CNKSR3: variants seen among roughly 807,000 people sequenced by gnomAD.
CNKSR3 encodes the protein connector enhancer of kinase suppressor of ras 3.
A neutral mutation model predicts 67.7 loss-of-function variants in CNKSR3; 36 were observed. That is an observed-to-expected ratio of 0.53 (90% confidence interval 0.41 to 0.70). CNKSR3 has a LOEUF of 0.70. CNKSR3 is among the 30% of genes least tolerant of loss of function. CNKSR3 has a pLI of 0.00. For missense variants in CNKSR3, 630 were observed against 695.2 expected (o/e 0.91, Z 1.05); for synonymous variants, 281 against 271.4 (o/e 1.04, Z -0.35).
At chr6:154,446,546 G>T (rs1460628090) in intron 2 of CNKSR3, among the ~76,000 whole-genome samples, 2 of 152,164 alleles carry the variant, frequency 1.3e-5, no homozygotes, top group African/African-American at 2.4e-5. Flanking sequence ...TAAATGATTT[G>T]CCTTGGGTGA....
rs1473721775 is a variant in CNKSR3 at position 154,405,103 on chromosome 6, A to G, written c.*1251T>C. ...CCCCTCGTGCAATTTCACTTTGCAT[A>G]TGCTTCTCCTGTTCTTCCATTTCTA... On this transcript the variant is annotated 3_prime_UTR_variant, in exon 13 of 13. Transcript: ENST00000607772. 2 of 152,300 alleles carry G rather than the reference A, an allele frequency of 1.3e-5. No individual in the cohort carries two copies. The highest frequency in any genetic ancestry group is 2.4e-5 in the African/African-American group (1 of 41,452). The allele number at this position is 152,300 out of a possible 1,614,324, so 9.4% of individuals were successfully genotyped here.
chr6:154,507,951 A>C (rs907031830), intron 1 of CNKSR3, among the ~76,000 whole-genome samples: 5 of 152,072 alleles, frequency 3.3e-5, no homozygotes, highest in African/African-American at 7.2e-5. Context: ...AGAGGGACAA[A>C]AACAACAACA....
intron 1 of CNKSR3, among the ~76,000 whole-genome samples, chr6:154,455,487 C>CTT (rs571100858): frequency 6.9e-6 from 1 of 145,794 alleles, no homozygotes; most frequent in Non-Finnish European, 1.5e-5. Flanking sequence ...ATTTTCTTTC[C>CTT]TTTTTTTTTT....
At chr6:154,503,285 A>G (rs1044662355) in intron 1 of CNKSR3, among the ~76,000 whole-genome samples, 14 of 152,066 alleles carry the variant, frequency 9.2e-5, no homozygotes, top group African/African-American at 3.4e-4. Flanking sequence ...TGACCACCCC[A>G]CAACTCCCTT....
At chr6:154,462,715 C>G (rs1786106686) in intron 1 of CNKSR3, among the ~76,000 whole-genome samples, 1 of 152,194 alleles carries the variant, frequency 6.6e-6, no homozygotes, top group Non-Finnish European at 1.5e-5. Context: ...GTCTCAGCTC[C>G]CTTCACATCT....
At chr6:154,423,106 A>T in intron 7 of CNKSR3, 123 bp from the exon 8 acceptor site, 1 of 627,180 alleles carries the variant, frequency 1.6e-6, no homozygotes, top group South Asian at 2.5e-5. Context: ...GAAAAATAAA[A>T]CAATGCACTT....
chr6:154,502,949 G>A (rs867897695), intron 1 of CNKSR3, among the ~76,000 whole-genome samples: 4 of 152,142 alleles, frequency 2.6e-5, no homozygotes, highest in Non-Finnish European at 5.9e-5. Flanking sequence ...GGCCCCTCTC[G>A]CTTCCTCACA....
chr6:154,438,780 A>G (rs1785524634), intron 4 of CNKSR3, among the ~76,000 whole-genome samples: 1 of 152,206 alleles, frequency 6.6e-6, no homozygotes, highest in African/African-American at 2.4e-5. Flanking sequence ...TCAAATTCTC[A>G]GCAGCCTATC....
intron 1 of CNKSR3, among the ~76,000 whole-genome samples, chr6:154,455,017 C>T (rs1785921735): frequency 1.3e-5 from 2 of 151,762 alleles, no homozygotes; most frequent in Non-Finnish European, 2.9e-5. Flanking sequence ...ATCACAAAAG[C>T]AGTGACTTTG....
At chr6:154,473,643 G>C (rs908371671) in intron 1 of CNKSR3, among the ~76,000 whole-genome samples, 2 of 152,108 alleles carry the variant, frequency 1.3e-5, no homozygotes, top group African/African-American at 4.8e-5. Context: ...GACAGAGCCC[G>C]GCTCTTACAG....
At position 154,430,579 on chromosome 6, in the gene CNKSR3, T is replaced by C; in HGVS notation, c.562A>G (p.Asn188Asp). 5 of 1,610,414 alleles carry C rather than the reference T, an allele frequency of 3.1e-6. No individual in the cohort carries two copies. Among genetic ancestry groups the C allele is most frequent in the Non-Finnish European group, 4.2e-6 (5 of 1,178,800 alleles). ...CGGATTGTTTTGTCACAGATGCCAT[T>C]TAAAACCTTGACCTAGAATTGGAGA... ...DKVLTVVKVL[N>D]GICDKTIRST... Residue 188 changes from asparagine to aspartate, a missense_variant, in exon 6 of 13, where the codon AAT becomes GAT. Physicochemically the swap from Asn to Asp is conservative, Grantham distance 23. Around this residue, in one of 3 missense-constraint regions of CNKSR3, gnomAD observed 133 missense variants for 190.6 expected, o/e 0.70. Coordinates refer to ENST00000607772, the MANE Select transcript of CNKSR3 (RefSeq NM_173515.4).
At position 154,392,175 on chromosome 6, in the gene CNKSR3, ACT is replaced by A. The variant is rs1235340180; in HGVS notation, c.*14177_*14178del. ...CAGTGAGCCGAGATGGAGCCACTGC[ACT>A]CCAGCCTGGGCAACAGAGAGAGACT... is the stretch of plus-strand genomic sequence containing the variant. On this transcript the variant is annotated 3_prime_UTR_variant, in exon 13 of 13. Coordinates refer to ENST00000607772, the MANE Select transcript of CNKSR3 (RefSeq NM_173515.4). 4 of 150,956 alleles carry A rather than the reference ACT, an allele frequency of 2.6e-5. No homozygotes were observed. Among genetic ancestry groups the A allele is most frequent in the African/African-American group, 9.8e-5 (4 of 40,880 alleles). 9.4% of individuals were successfully genotyped at this position (150,956 alleles called of 1,614,324 possible). A position where few individuals can be genotyped will look rare whatever the true frequency, so the allele number is the denominator to read the frequency against.
rs181511639 is a variant in CNKSR3, at chr6:154,401,203, T to C, written c.*5151A>G. ...TGTTTATGTCCTCCCAAAATTCATC[T>C]GTTGAAACCCTAATCTCCAAAGCAA... On this transcript the variant is annotated 3_prime_UTR_variant, in exon 13 of 13. Coordinates refer to ENST00000607772, the MANE Select transcript of CNKSR3 (RefSeq NM_173515.4). 2.0e-5 allele frequency: 3 copies of C among 152,346 alleles called. No homozygotes were observed. 9.4% of individuals were successfully genotyped at this position (152,346 alleles called of 1,614,324 possible).
At chr6:154,410,791 T>C in intron 11 of CNKSR3, 143 bp downstream of exon 11, 2 of 663,686 alleles carry the variant, frequency 3.0e-6, no homozygotes, top group East Asian at 2.6e-5. Context: ...AAAGGTCTCA[T>C]ACTTAGAATT....
In CNKSR3 at chr6:154,400,829, C is replaced by T. The variant is rs1301325549; in HGVS notation, c.*5525G>A. ...AATTCTGGCCCCAAATAAATAGAAA[C>T]TTTAAGTTGAAACTTGGCAATTGTG... is the stretch of plus-strand genomic sequence containing the variant. On this transcript the variant is annotated 3_prime_UTR_variant, in exon 13 of 13. Transcript: ENST00000607772. 3.3e-5 allele frequency: 5 copies of T among 152,112 alleles called. No individual in the cohort carries two copies. The highest frequency in any genetic ancestry group is 4.8e-5 in the African/African-American group (2 of 41,418). The allele number at this position is 152,112 out of a possible 1,614,324, so 9.4% of individuals were successfully genotyped here. A position where few individuals can be genotyped will look rare whatever the true frequency, so the allele number is the denominator to read the frequency against.
At chr6:154,469,941 T>A (rs80236361) in intron 1 of CNKSR3, among the ~76,000 whole-genome samples, 2,935 of 152,280 alleles carry the variant, frequency 0.019, 38 homozygotes, top group Non-Finnish European at 0.029. Flanking sequence ...TTTCTTAATT[T>A]TTTCTGATAT....
At chr6:154,495,835 T>C (rs1786866890) in intron 1 of CNKSR3, among the ~76,000 whole-genome samples, 1 of 152,070 alleles carries the variant, frequency 6.6e-6, no homozygotes, top group Non-Finnish European at 1.5e-5. Context: ...ACCTTTCGGT[T>C]CTGAGGCCTC....
intron 1 of CNKSR3, among the ~76,000 whole-genome samples, chr6:154,458,127 C>T (rs1403252406): frequency 1.3e-5 from 2 of 152,168 alleles, no homozygotes; most frequent in African/African-American, 2.4e-5. Context: ...GTGATAGAGA[C>T]GTATGGCTCT....
intron 5 of CNKSR3, among the ~76,000 whole-genome samples, chr6:154,433,114 G>T (rs1460819813): frequency 2.0e-5 from 3 of 152,058 alleles, no homozygotes; most frequent in South Asian, 4.1e-4. Flanking sequence ...TTTTTGCCAA[G>T]AATTTTTTTC....
Sources: allele counts gnomAD v4.1 joint callset (sites outside exome capture counted in the v4.1 genomes callset), GRCh38; gene constraint gnomAD v4.1.1; regional missense constraint gnomAD v4.1.1; transcripts MANE v1.5; gene names NCBI Gene and HGNC (gene_info 2026-07-23, HGNC 2026-07-21).